Variants in C10orf90 observed in about 807,000 individuals in gnomAD.
The protein encoded by C10orf90 is chromosome 10 open reading frame 90.
C10orf90 carries 56 observed loss-of-function variants against 62.5 expected under a neutral mutation model. The observed-to-expected ratio is 0.90, with a 90% CI of 0.72 to 1.12. The LOEUF is 1.12. C10orf90 is among the 50% of genes most tolerant of loss of function. C10orf90 has a pLI of 0.00. For missense variants in C10orf90, 970 were observed against 880.4 expected, an observed-to-expected ratio of 1.10 and a Z score of -1.29; for synonymous variants, 386 against 340.4, an observed-to-expected ratio of 1.13 and a Z score of -1.47.
At chr10:126,651,910 T>G (rs2003235) in intron 1 of C10orf90, among the ~76,000 whole-genome samples, 44,635 of 152,030 alleles carry the variant, frequency 0.29, 7,565 homozygotes, top group East Asian at 0.37. Context: ...CTCCAAGGGA[T>G]GTAGGAGGCT....
At chr10:126,579,039 T>C (rs1023963307) in intron 2 of C10orf90, among the ~76,000 whole-genome samples, 1 of 151,980 alleles carries the variant, frequency 6.6e-6, no homozygotes, top group African/African-American at 2.4e-5. Context: ...ATTTTCTGTA[T>C]AGATAGTGTA....
chr10:126,523,044 TAC>T (rs1266066455), intron 2 of C10orf90: 1 of 152,236 alleles, frequency 6.6e-6, no homozygotes, highest in African/African-American at 2.4e-5. Flanking sequence ...TGTTATTAGA[TAC>T]AGTTTTACAC....
chr10:126,641,684 T>A (rs1011747792), intron 2 of C10orf90, among the ~76,000 whole-genome samples: 4 of 152,202 alleles, frequency 2.6e-5, no homozygotes, highest in East Asian at 3.9e-4. Flanking sequence ...TGTTACAAAA[T>A]CTTTTTGTAA....
intron 2 of C10orf90, among the ~76,000 whole-genome samples, chr10:126,586,088 A>C (rs2134022282): frequency 6.6e-6 from 1 of 152,370 alleles, no homozygotes; most frequent in Admixed American, 6.5e-5. Flanking sequence ...TACAAAATTT[A>C]AGTTGTTACA....
intron 2 of C10orf90, among the ~76,000 whole-genome samples, chr10:126,557,009 T>TA (rs1332421779): frequency 2.2e-4 from 23 of 102,330 alleles, no homozygotes; most frequent in Admixed American, 5.8e-4. Context: ...ATTAATCAAT[T>TA]TAAAAAAAAA....
intron 4 of C10orf90, chr10:126,502,847 C>T: frequency 1.9e-6 from 1 of 522,148 alleles, no homozygotes; most frequent in East Asian, 5.6e-5. Flanking sequence ...GTAAGACATG[C>T]ATTTCAATGG....
chr10:126,630,017 A>G (rs1198725566), intron 2 of C10orf90, among the ~76,000 whole-genome samples: 1 of 152,198 alleles, frequency 6.6e-6, no homozygotes, highest in African/African-American at 2.4e-5. Context: ...TAACTATATG[A>G]CATTGCTCAT....
intron 4 of C10orf90, among the ~76,000 whole-genome samples, chr10:126,470,531 C>T (rs1175625280): frequency 1.3e-5 from 2 of 151,970 alleles, no homozygotes; most frequent in East Asian, 3.9e-4. Context: ...GGAGTTCAAG[C>T]CCAGCCTGGG....
At chr10:126,637,905 G>C (rs1034569848) in intron 2 of C10orf90, among the ~76,000 whole-genome samples, 1 of 152,206 alleles carries the variant, frequency 6.6e-6, no homozygotes, top group Non-Finnish European at 1.5e-5. Context: ...GAATGAGGAA[G>C]GTACAGTTGG....
chr10:126,647,739 G>T (rs1279661871), intron 1 of C10orf90, among the ~76,000 whole-genome samples: 2 of 152,150 alleles, frequency 1.3e-5, no homozygotes, highest in Non-Finnish European at 2.9e-5. Context: ...CACATATACT[G>T]GTTATGTATG....
At chr10:126,429,890 G>C in intron 7 of C10orf90, 40 bp from the exon 8 acceptor site, 1 of 1,502,664 alleles carries the variant, frequency 6.7e-7, no homozygotes, top group Non-Finnish European at 9.3e-7. Context: ...AGAAGGCATA[G>C]AATCTCACAC....
At chr10:126,606,202 T>C (rs1845308161) in intron 2 of C10orf90, among the ~76,000 whole-genome samples, 1 of 152,222 alleles carries the variant, frequency 6.6e-6, no homozygotes. Flanking sequence ...ATTGTACTGA[T>C]GCATTAATTA....
At chr10:126,547,498 G>GAAAA (rs34204650) in intron 2 of C10orf90, among the ~76,000 whole-genome samples, 9 of 114,188 alleles carry the variant, frequency 7.9e-5, no homozygotes, top group African/African-American at 2.7e-4. Context: ...TTAACTGAGT[G>GAAAA]AAAAAAAAAA....
rs1311662123 is a variant in C10orf90, at chr10:126,501,879, CAGA to C, written c.1534+2075_1534+2077del. On this transcript the variant is annotated intron_variant, in intron 4 of 9. Coordinates refer to ENST00000488181, the MANE Select transcript of C10orf90 (RefSeq NM_001350921.2). ...TAAGCTATGAGTACGCAAAGGCATA[CAGA>C]GTGATATGATGGACTTCAGAGACTC... Among the ~76,000 whole-genome samples the C allele has an allele frequency of 2.0e-5, 3 of 147,750 alleles. No homozygotes were observed. In the East Asian group the frequency reaches 5.8e-4, roughly 29 times the overall value.
At chr10:126,495,542 G>T (rs6597773) in intron 4 of C10orf90, among the ~76,000 whole-genome samples, 82,845 of 152,040 alleles carry the variant, frequency 0.54, 23,117 homozygotes, top group African/African-American at 0.68. Context: ...TTTCTGCATT[G>T]AACAACAAAC....
At chr10:126,467,074 A>T (rs372412678) in intron 4 of C10orf90, among the ~76,000 whole-genome samples, 10 of 152,320 alleles carry the variant, frequency 6.6e-5, no homozygotes, top group African/African-American at 2.2e-4. Flanking sequence ...ATGATTTTTT[A>T]AATTAATGTA....
chr10:126,498,213 T>G (rs4246193), intron 4 of C10orf90, among the ~76,000 whole-genome samples: 11 of 152,024 alleles, frequency 7.2e-5, no homozygotes, highest in Non-Finnish European at 1.3e-4. Flanking sequence ...GTTAGGCACA[T>G]GGGCAGGCCC....
intron 2 of C10orf90, among the ~76,000 whole-genome samples, chr10:126,612,218 G>A (rs929322530): frequency 1.3e-5 from 2 of 152,184 alleles, no homozygotes; most frequent in African/African-American, 2.4e-5. Flanking sequence ...CTACTCGGGT[G>A]GCTGAGGCAG....
At chr10:126,632,658 T>C (rs2133831713) in intron 2 of C10orf90, among the ~76,000 whole-genome samples, 1 of 152,174 alleles carries the variant, frequency 6.6e-6, no homozygotes, top group Non-Finnish European at 1.5e-5. Flanking sequence ...CTACAGCCCC[T>C]CCCCAGGGAC....
Sources: allele counts gnomAD v4.1 joint callset (sites outside exome capture counted in the v4.1 genomes callset), GRCh38; gene constraint gnomAD v4.1.1; transcripts MANE v1.5; gene names NCBI Gene and HGNC (gene_info 2026-07-23, HGNC 2026-07-21).